Variants in DGKB observed in about 807,000 individuals in gnomAD.
The protein encoded by DGKB is 90 kDa diacylglycerol kinase.
In DGKB, 67 loss-of-function variants were observed where a neutral mutation model predicts 114.3. The ratio of observed to expected loss-of-function variants is 0.59; its 90% CI spans 0.48 to 0.72. The LOEUF is 0.72. DGKB is among the 30% of genes least tolerant of loss of function. The pLI, the probability that DGKB is intolerant of heterozygous loss-of-function variation, is 0.00. For missense variants in DGKB, 907 were observed against 975.2 expected, an observed-to-expected ratio of 0.93 and a Z score of 0.93; for synonymous variants, 398 against 323.1, an observed-to-expected ratio of 1.23 and a Z score of -2.49.
rs1040861096 is a variant in DGKB at position 14,505,020 on chromosome 7, A to G, written c.1771-26795T>C. Among the ~76,000 whole-genome samples the G allele has an allele frequency of 3.3e-5, 5 of 152,334 alleles. No homozygotes were observed. The South Asian group carries it at 1.0e-3, about 32-fold the overall frequency. Reference sequence around the variant, plus strand: ...GGTCAGAAGTGAAGAATAAGCCTTCATGTTGATAAAGCTCTACGGTGCTAT... The same window carrying G: ...GGTCAGAAGTGAAGAATAAGCCTTCGTGTTGATAAAGCTCTACGGTGCTAT... On this transcript the variant is annotated intron_variant, in intron 20 of 25. Transcript: ENST00000402815.
At chr7:14,943,011 C>T (rs1053524797) in intron 1 of DGKB, among the ~76,000 whole-genome samples, 12 of 151,676 alleles carry the variant, frequency 7.9e-5, no homozygotes, top group Admixed American at 4.0e-4. Flanking sequence ...TTCATACATA[C>T]GTAGAATAAT....
At chr7:14,693,702 G>T (rs1258519771) in intron 9 of DGKB, among the ~76,000 whole-genome samples, 2 of 151,862 alleles carry the variant, frequency 1.3e-5, no homozygotes, top group Admixed American at 6.6e-5. Context: ...TTATAGGTAG[G>T]AGGAACATTG....
At chr7:14,665,817 T>A (rs1205127584) in intron 13 of DGKB, among the ~76,000 whole-genome samples, 4 of 152,024 alleles carry the variant, frequency 2.6e-5, no homozygotes, top group Admixed American at 2.0e-4. Flanking sequence ...AAACTTAGAA[T>A]GAATGTAAAA....
chr7:14,397,323 G>A (rs1308521158), intron 21 of DGKB, among the ~76,000 whole-genome samples: 1 of 152,112 alleles, frequency 6.6e-6, no homozygotes, highest in African/African-American at 2.4e-5. Context: ...AAGCGTAGTG[G>A]TTGGCCTACT....
intron 1 of DGKB, among the ~76,000 whole-genome samples, chr7:14,902,053 C>T (rs1483899189): frequency 1.3e-5 from 2 of 152,130 alleles, no homozygotes; most frequent in Admixed American, 1.3e-4. Flanking sequence ...TTTATCATAT[C>T]ATCAGTGTGG....
chr7:14,831,235 G>T (rs886620746), intron 2 of DGKB, among the ~76,000 whole-genome samples: 4 of 151,900 alleles, frequency 2.6e-5, no homozygotes, highest in African/African-American at 9.7e-5. Flanking sequence ...TGGACCAAAA[G>T]GCAACCTGAT....
At chr7:14,438,161 CTT>C (rs1335548309) in intron 21 of DGKB, among the ~76,000 whole-genome samples, 1 of 152,044 alleles carries the variant, frequency 6.6e-6, no homozygotes, top group Non-Finnish European at 1.5e-5. Flanking sequence ...TTAATTCAAA[CTT>C]GACAGATTTC....
intron 21 of DGKB, among the ~76,000 whole-genome samples, chr7:14,426,719 T>A (rs1409842502): frequency 6.6e-6 from 1 of 152,210 alleles, no homozygotes; most frequent in Middle Eastern, 3.4e-3. Flanking sequence ...TAAAATTTGT[T>A]GAATTTGTGT....
intron 23 of DGKB, among the ~76,000 whole-genome samples, chr7:14,322,965 C>T (rs563183922): frequency 5.3e-5 from 8 of 152,200 alleles, no homozygotes; most frequent in South Asian, 2.1e-4. Context: ...CTGATCATAG[C>T]GCAAATCAGT....
At chr7:14,812,435 C>G (rs1223095679) in intron 2 of DGKB, among the ~76,000 whole-genome samples, 3 of 151,982 alleles carry the variant, frequency 2.0e-5, no homozygotes, top group Non-Finnish European at 4.4e-5. Context: ...TATAGTCCTT[C>G]TTCCTAATAG....
chr7:14,191,775 C>G (rs1784355696), intron 23 of DGKB: 3 of 341,878 alleles, frequency 8.8e-6, no homozygotes, highest in Non-Finnish European at 1.8e-5. Flanking sequence ...CCAATGGAAA[C>G]AAATGGCTTT....
intron 23 of DGKB, among the ~76,000 whole-genome samples, chr7:14,304,819 A>G (rs1047249558): frequency 6.6e-6 from 1 of 152,156 alleles, no homozygotes; most frequent in Non-Finnish European, 1.5e-5. Context: ...AAAACTATTA[A>G]GGAGTTTATA....
At chr7:14,614,311 T>C (rs1806135486) in intron 15 of DGKB, among the ~76,000 whole-genome samples, 1 of 152,140 alleles carries the variant, frequency 6.6e-6, no homozygotes, top group Non-Finnish European at 1.5e-5. Flanking sequence ...CTGATTCCAA[T>C]GTTAAATAAC....
chr7:14,711,842 A>G (rs2128336036), intron 6 of DGKB, among the ~76,000 whole-genome samples: 1 of 152,322 alleles, frequency 6.6e-6, no homozygotes, highest in East Asian at 1.9e-4. Context: ...AATTCTGAGT[A>G]TAAGGATACA....
At chr7:14,676,163 T>C (rs1187254336) in intron 12 of DGKB, among the ~76,000 whole-genome samples, 2 of 150,500 alleles carry the variant, frequency 1.3e-5, no homozygotes, top group African/African-American at 2.5e-5. Context: ...TACAATAGAA[T>C]TCAAAAGCTA....
chr7:14,856,885 C>T (rs902453409), intron 1 of DGKB, among the ~76,000 whole-genome samples: 4 of 152,216 alleles, frequency 2.6e-5, no homozygotes, highest in African/African-American at 9.6e-5. Flanking sequence ...TAAGTATTTG[C>T]CCATAAATGA....
chr7:14,609,876 T>G (rs1255985544), intron 16 of DGKB, among the ~76,000 whole-genome samples: 1 of 152,054 alleles, frequency 6.6e-6, no homozygotes, highest in Non-Finnish European at 1.5e-5. Flanking sequence ...AACCAGTGGA[T>G]GCTGGCAAGG....
chr7:14,673,157 C>T (rs1819268208), intron 12 of DGKB, 130 bp from the exon 13 acceptor site: 4 of 579,086 alleles, frequency 6.9e-6, no homozygotes, highest in Non-Finnish European at 1.2e-5. Flanking sequence ...AACAAATAAA[C>T]AGAGTCATAA....
chr7:14,566,367 T>C (rs1284493998), intron 20 of DGKB, among the ~76,000 whole-genome samples: 1 of 152,220 alleles, frequency 6.6e-6, no homozygotes, highest in Non-Finnish European at 1.5e-5. Flanking sequence ...GCAGAGTTTA[T>C]AGAATCTCAG....
Sources: allele counts gnomAD v4.1 joint callset (sites outside exome capture counted in the v4.1 genomes callset), GRCh38; gene constraint gnomAD v4.1.1; transcripts MANE v1.5; gene names NCBI Gene and HGNC (gene_info 2026-07-23, HGNC 2026-07-21).